The following FLT3 variants were observed in gnomAD, a reference collection of about 807,000 sequenced individuals.
The protein encoded by FLT3 is fms related receptor tyrosine kinase 3.
Under a neutral mutation model 126.6 loss-of-function variants are expected in FLT3, and 46 were observed. The ratio of observed to expected loss-of-function variants is 0.36; its 90% confidence interval spans 0.29 to 0.46. FLT3 has a LOEUF of 0.46. Ranked by LOEUF, FLT3 falls within the 20% of genes least tolerant of loss-of-function variation. The pLI, the probability that FLT3 is intolerant of heterozygous loss-of-function variation, is 1.00. For synonymous variants in FLT3, 404 were observed against 434.4 expected (o/e 0.93, Z 0.87); for missense variants, 1,069 against 1,190.3 (o/e 0.90, Z 1.50).
chr13:28,015,518 G>A, intron 21 of FLT3, 72 bp downstream of exon 21: 1 of 800,696 alleles, frequency 1.2e-6, no homozygotes, highest in Admixed American at 2.1e-5. Context: ...TGGGGGGAGG[G>A]GTGGGGCGGC....
chr13:28,087,800 G>C (rs1411817898), intron 1 of FLT3, among the ~76,000 whole-genome samples: 1 of 152,038 alleles, frequency 6.6e-6, no homozygotes, highest in Non-Finnish European at 1.5e-5. Context: ...TGTTTAATCT[G>C]GTACTAATTC....
At chr13:28,082,835 C>G (rs1878424518) in intron 1 of FLT3, among the ~76,000 whole-genome samples, 1 of 152,050 alleles carries the variant, frequency 6.6e-6, no homozygotes, top group Admixed American at 6.6e-5. Context: ...TCCCGAGTAG[C>G]TGGGACTACA....
At chr13:28,097,478 A>G (rs2137838337) in intron 1 of FLT3, among the ~76,000 whole-genome samples, 1 of 151,152 alleles carries the variant, frequency 6.6e-6, no homozygotes, top group South Asian at 2.1e-4. Context: ...GCTAAGAGTT[A>G]CTGAAAGTGC....
chr13:28,053,487 T>A (rs947393769), intron 4 of FLT3, among the ~76,000 whole-genome samples: 1 of 150,822 alleles, frequency 6.6e-6, no homozygotes, highest in Non-Finnish European at 1.5e-5. Flanking sequence ...ATCCACCTAA[T>A]AACTAGAATA....
chr13:28,041,253 C>T (rs1874352927), intron 9 of FLT3, among the ~76,000 whole-genome samples: 1 of 152,034 alleles, frequency 6.6e-6, no homozygotes, highest in Non-Finnish European at 1.5e-5. Context: ...AAGACGTGAG[C>T]TTCTAAGAGA....
chr13:28,062,124 C>G (rs2137768562), intron 2 of FLT3, 55 bp from the exon 3 acceptor site: 1 of 1,311,536 alleles, frequency 7.6e-7, no homozygotes, highest in Non-Finnish European at 1.1e-6. Context: ...CTAAGGCCTC[C>G]CCTTCTTCAC....
At chr13:28,061,015 T>G (rs548415795) in intron 3 of FLT3, among the ~76,000 whole-genome samples, 10 of 152,252 alleles carry the variant, frequency 6.6e-5, no homozygotes, top group Admixed American at 6.5e-4. Flanking sequence ...TATTAACATC[T>G]TGTATAGGTG....
intron 4 of FLT3, among the ~76,000 whole-genome samples, chr13:28,054,603 T>G (rs1392845881): frequency 6.6e-6 from 1 of 152,072 alleles, no homozygotes; most frequent in Non-Finnish European, 1.5e-5. Flanking sequence ...CAATTCAATA[T>G]GAGCAGCAAA....
intron 23 of FLT3, among the ~76,000 whole-genome samples, chr13:28,012,060 C>A (rs1308780738): frequency 6.6e-6 from 1 of 152,112 alleles, no homozygotes; most frequent in African/African-American, 2.4e-5. Flanking sequence ...TCCCAAAGTG[C>A]TGGGATTACA....
chr13:28,096,297 T>C (rs1373486743), intron 1 of FLT3, among the ~76,000 whole-genome samples: 1 of 152,068 alleles, frequency 6.6e-6, no homozygotes, highest in African/African-American at 2.4e-5. Context: ...GAGGTTGCAG[T>C]GAGCCGAGAC....
At chr13:28,070,464 A>G in intron 2 of FLT3, 27 bp downstream of exon 2, 1 of 1,593,364 alleles carries the variant, frequency 6.3e-7, no homozygotes, top group Non-Finnish European at 8.6e-7. Context: ...AAAAACAGCT[A>G]AAGGTATAAT....
intron 9 of FLT3, among the ~76,000 whole-genome samples, chr13:28,041,591 T>C (rs73436997): frequency 0.021 from 3,203 of 152,302 alleles, 99 homozygotes; most frequent in African/African-American, 0.071. Context: ...CAAAACTGAA[T>C]ATCCAATGGC....
chr13:28,066,652 T>C (rs919567582), intron 2 of FLT3, among the ~76,000 whole-genome samples: 12 of 152,094 alleles, frequency 7.9e-5, no homozygotes, highest in African/African-American at 2.9e-4. Flanking sequence ...CCTCTACTGA[T>C]ATAAATAAAA....
chr13:28,090,575 C>T (rs747913636), intron 1 of FLT3, among the ~76,000 whole-genome samples: 91 of 152,096 alleles, frequency 6.0e-4, no homozygotes, highest in African/African-American at 1.6e-3. Flanking sequence ...CTCAGGAGTT[C>T]GAGACCAGCC....
At chr13:28,063,039 T>C (rs1393492496) in intron 2 of FLT3, among the ~76,000 whole-genome samples, 1 of 148,964 alleles carries the variant, frequency 6.7e-6, no homozygotes, top group Admixed American at 6.9e-5. Context: ...TAGGTAAATA[T>C]TTTTGTGATT....
intron 9 of FLT3, among the ~76,000 whole-genome samples, chr13:28,039,160 C>G (rs1874111209): frequency 6.6e-6 from 1 of 152,076 alleles, no homozygotes; most frequent in African/African-American, 2.4e-5. Flanking sequence ...GAACGGCAAG[C>G]CTCTCATGGG....
At chr13:28,085,566 T>C (rs2137817057) in intron 1 of FLT3, among the ~76,000 whole-genome samples, 2 of 152,242 alleles carry the variant, frequency 1.3e-5, no homozygotes, top group East Asian at 3.9e-4. Flanking sequence ...TGTTTATTTC[T>C]CCTTGCAGTT....
In FLT3 at chr13:28,004,153, G is replaced by A. The variant is rs149473536; in HGVS notation, c.2881C>T (p.Arg961Cys). 23 of 1,613,938 alleles carry A rather than the reference G, an allele frequency of 1.4e-5. No homozygotes were observed. The highest frequency in any genetic ancestry group is 4.0e-5 in the African/African-American group (3 of 74,994). The part of the protein sequence containing the change: ...EEAMYQNVDG[R>C]VSECPHTYQN... The stretch of plus-strand genomic sequence containing the variant: ...TAGGTGTGAGGACATTCCGAAACAC[G>A]GCCATCCACATTCTGATACATCTGA... Residue 961 changes from arginine (R) to cysteine (C), a missense_variant, in exon 24 of 24, where the codon CGT becomes TGT. Arg to Cys is a radical substitution (Grantham distance 180). Coordinates refer to ENST00000241453, the MANE Select transcript of FLT3 (RefSeq NM_004119.3).
chr13:28,095,117 G>A (rs2137834280), intron 1 of FLT3, among the ~76,000 whole-genome samples: 1 of 152,260 alleles, frequency 6.6e-6, no homozygotes, highest in East Asian at 1.9e-4. Flanking sequence ...AAAGCTTGCA[G>A]GTGAGCAGTC....
Sources: allele counts gnomAD v4.1 joint callset (sites outside exome capture counted in the v4.1 genomes callset), GRCh38; gene constraint gnomAD v4.1.1; transcripts MANE v1.5; gene names NCBI Gene and HGNC (gene_info 2026-07-23, HGNC 2026-07-21).